The following DHX36 variants were observed in gnomAD, a reference collection of about 807,000 sequenced individuals.
DHX36 encodes ATP-dependent DNA/RNA helicase DHX36.
DHX36 carries 50 observed loss-of-function variants against 139.0 expected under a neutral mutation model. The ratio of observed to expected loss-of-function variants is 0.36; its 90% CI spans 0.29 to 0.46. The LOEUF (loss-of-function observed/expected upper bound fraction) is 0.46, where lower values mean the gene tolerates loss of function less well. Ranked by LOEUF, DHX36 falls within the 20% of genes least tolerant of loss-of-function variation. DHX36 has a pLI of 1.00. For missense variants in DHX36, 1,024 were observed against 1,211.3 expected (o/e 0.85, Z 2.29); for synonymous variants, 425 against 401.9 (o/e 1.06, Z -0.69).
Position 154,311,677 on chromosome 3 carries a change from G to GA in DHX36, c.604-4dup. 1 of 1,593,676 alleles carries GA rather than the reference G, an allele frequency of 6.3e-7. No individual in the cohort carries two copies. ...GAAGGCAGCTTTTCTCTGAAATGCTGAAATTTAAAAAAAGTTTTAAATTTT... is the reference window on the plus strand; with the variant it reads ...GAAGGCAGCTTTTCTCTGAAATGCTGAAAATTTAAAAAAAGTTTTAAATTTT... On this transcript the variant is annotated splice_region_variant and splice_polypyrimidine_tract_variant and intron_variant, in intron 3 of 24. Transcript: ENST00000496811.
chr3:154,290,597 T>C (rs1711751395), intron 15 of DHX36, among the ~76,000 whole-genome samples: 1 of 137,672 alleles, frequency 7.3e-6, no homozygotes, highest in Non-Finnish European at 1.5e-5. Flanking sequence ...GATCGTGCCA[T>C]GTACTCCAGT....
chr3:154,307,387 C>T (rs112825867), intron 5 of DHX36, among the ~76,000 whole-genome samples: 264 of 152,042 alleles, frequency 1.7e-3, no homozygotes, highest in African/African-American at 6.0e-3. Flanking sequence ...TGGACAAATA[C>T]CCAGTATATA....
chr3:154,287,691 A>G (rs1371212427), intron 17 of DHX36, among the ~76,000 whole-genome samples: 1 of 152,048 alleles, frequency 6.6e-6, no homozygotes, highest in Non-Finnish European at 1.5e-5. Context: ...AAAATAAGGA[A>G]TTTATCAAGG....
rs1179312965 is a variant in DHX36 at position 154,303,296 on chromosome 3, T to C, written c.1217+33A>G. ...TGAGAAAAGTGATATATTAGTACTT[T>C]TTAATGTTTTTTATTTCCTAATGTT... is the stretch of plus-strand genomic sequence containing the variant. On this transcript the variant is annotated intron_variant, in intron 9 of 24. Coordinates refer to ENST00000496811, the MANE Select transcript of DHX36 (RefSeq NM_020865.3). 5.5e-6 allele frequency: 8 copies of C among 1,464,776 alleles called. No homozygotes were observed. In the South Asian group the frequency reaches 7.4e-5, roughly 14 times the overall value. 90.7% of individuals were successfully genotyped at this position (1,464,776 alleles called of 1,614,324 possible).
In DHX36 at chr3:154,300,596, C is replaced by G; in HGVS notation, c.1459G>C (p.Glu487Gln). The change falls in exon 11 of 25, where the codon GAG becomes CAG. Residue 487 changes from glutamate to glutamine, a missense_variant and splice_region_variant. By Grantham distance (29) the Glu-to-Gln change is conservative. Around this residue, in one of 4 missense-constraint regions of DHX36, gnomAD observed 115 missense variants for 105.6 expected, o/e 1.09. Transcript: ENST00000496811. ...GAAGAAAGAAAAATAAAACTAACCTCTTCTTCCAAAACAATGTATCGGATG... is the reference window on the plus strand; with the variant it reads ...GAAGAAAGAAAAATAAAACTAACCTGTTCTTCCAAAACAATGTATCGGATG... ...ALIRYIVLEE[E>Q]DGAILVFLPG... The G allele has an allele frequency of 3.1e-6, 5 of 1,609,922 alleles. No homozygotes were observed. The highest frequency in any genetic ancestry group is 3.4e-6 in the Non-Finnish European group (4 of 1,177,844).
intron 17 of DHX36, among the ~76,000 whole-genome samples, chr3:154,287,706 A>AC (rs1711595848): frequency 6.6e-6 from 1 of 152,084 alleles, no homozygotes; most frequent in South Asian, 2.1e-4. Context: ...TCAAGGTATT[A>AC]AAAAAAGGAA....
At chr3:154,278,064 A>C (rs1719211963) in intron 22 of DHX36, among the ~76,000 whole-genome samples, 1 of 152,220 alleles carries the variant, frequency 6.6e-6, no homozygotes, top group Admixed American at 6.5e-5. Context: ...CTGAAGAATA[A>C]ATAACAAAAA....
At chr3:154,290,997 T>C (rs1050834333) in intron 15 of DHX36, among the ~76,000 whole-genome samples, 1 of 148,924 alleles carries the variant, frequency 6.7e-6, no homozygotes, top group Admixed American at 6.7e-5. Flanking sequence ...TAGCCGGGCG[T>C]AGTGGCGGGC....
At chr3:154,288,566 T>C (rs1048422350) in intron 17 of DHX36, among the ~76,000 whole-genome samples, 2 of 152,118 alleles carry the variant, frequency 1.3e-5, no homozygotes, top group Non-Finnish European at 1.5e-5. Flanking sequence ...TCGCCAGTAA[T>C]TAAAGACCAG....
At chr3:154,277,392 CCTAA>C (rs1043226366) in intron 23 of DHX36, among the ~76,000 whole-genome samples, 1 of 151,928 alleles carries the variant, frequency 6.6e-6, no homozygotes, top group Non-Finnish European at 1.5e-5. Flanking sequence ...AAATAACTGT[CCTAA>C]CTAATTAAAA....
At chr3:154,291,292 C>G (rs1197942459) in intron 15 of DHX36, among the ~76,000 whole-genome samples, 1 of 152,138 alleles carries the variant, frequency 6.6e-6, no homozygotes, top group Admixed American at 6.5e-5. Context: ...AGCAATTCCA[C>G]AGTTAACCTA....
At chr3:154,318,659 A>G (rs1251444680) in intron 1 of DHX36, among the ~76,000 whole-genome samples, 1 of 152,210 alleles carries the variant, frequency 6.6e-6, no homozygotes, top group African/African-American at 2.4e-5. Flanking sequence ...TACCTTACAC[A>G]ATGCATATGT....
At chr3:154,297,514 C>G (rs992357417) in intron 12 of DHX36, among the ~76,000 whole-genome samples, 5 of 152,080 alleles carry the variant, frequency 3.3e-5, no homozygotes, top group African/African-American at 1.2e-4. Flanking sequence ...AGTTCAAGAC[C>G]AACCTGGCTA....
chr3:154,318,405 C>G (rs1470778205), intron 1 of DHX36, among the ~76,000 whole-genome samples: 2 of 152,088 alleles, frequency 1.3e-5, no homozygotes, highest in African/African-American at 4.8e-5. Flanking sequence ...ACTCATTACT[C>G]TATATTTTGT....
At chr3:154,323,642 A>C (rs1713281449) in intron 1 of DHX36, among the ~76,000 whole-genome samples, 1 of 152,130 alleles carries the variant, frequency 6.6e-6, no homozygotes, top group Non-Finnish European at 1.5e-5. Flanking sequence ...TCTCCACCCC[A>C]ACATAAAAAA....
At chr3:154,300,105 G>C (rs1712206620) in intron 11 of DHX36, among the ~76,000 whole-genome samples, 180 bp from the exon 12 acceptor site, 2 of 151,828 alleles carry the variant, frequency 1.3e-5, no homozygotes, top group South Asian at 2.1e-4. Context: ...GTCTTGCTCT[G>C]TCACCCAGGA....
At chr3:154,308,429 C>A (rs888969312) in intron 5 of DHX36, among the ~76,000 whole-genome samples, 2 of 152,146 alleles carry the variant, frequency 1.3e-5, no homozygotes, top group Non-Finnish European at 2.9e-5. Context: ...AATTTATACA[C>A]AGAATTATAT....
chr3:154,300,492 C>T (rs543990758), intron 11 of DHX36, 102 bp downstream of exon 11: 6 of 868,584 alleles, frequency 6.9e-6, no homozygotes, highest in South Asian at 6.2e-5. Flanking sequence ...TAATTTCTTC[C>T]AGTCTATTTC....
chr3:154,304,711 A>T, intron 8 of DHX36, 95 bp downstream of exon 8: 1 of 906,770 alleles, frequency 1.1e-6, no homozygotes, highest in Non-Finnish European at 1.6e-6. Flanking sequence ...ACAGCTAAAC[A>T]TTCATTTTGA....
Sources: allele counts gnomAD v4.1 joint callset (sites outside exome capture counted in the v4.1 genomes callset), GRCh38; gene constraint gnomAD v4.1.1; regional missense constraint gnomAD v4.1.1; transcripts MANE v1.5; gene names NCBI Gene and HGNC (gene_info 2026-07-23, HGNC 2026-07-21).